The following VILL variants were observed in gnomAD, a reference collection of about 807,000 sequenced individuals.
VILL encodes the protein villin like.
In VILL, 102 loss-of-function variants were observed where a neutral mutation model predicts 106.3. The observed-to-expected ratio is 0.96, with a 90% CI of 0.82 to 1.13. The LOEUF is 1.13. Ranked by LOEUF, VILL falls within the 50% of genes most tolerant of loss-of-function variation. The probability of loss-of-function intolerance (pLI) is 0.00; values close to 1 mark genes in which losing one functional copy is unlikely to be tolerated. For missense variants in VILL, 1,076 were observed against 1,116.6 expected (o/e 0.96, Z 0.52); for synonymous variants, 431 against 440.3 (o/e 0.98, Z 0.27).
At position 38,006,709 on chromosome 3, in the gene VILL, C is replaced by T. The variant is rs761071827; in HGVS notation, c.2457+9C>T. The T allele has an allele frequency of 1.9e-6, 3 of 1,592,966 alleles. No individual in the cohort carries two copies. In the South Asian group the frequency reaches 3.4e-5, roughly 18 times the overall value. On this transcript the variant is annotated intron_variant, in intron 19 of 19. Transcript: ENST00000383759. The stretch of plus-strand genomic sequence containing the variant: ...ACCCTGCCCGCAGGGAGGTGGGCAC[C>T]CCCTCACTGCCCCAGCACTAGTGCA...
chr3:37,991,747 A>G (rs1699613527), intron 1 of VILL, among the ~76,000 whole-genome samples: 2 of 151,746 alleles, frequency 1.3e-5, no homozygotes, highest in South Asian at 4.2e-4. Context: ...GGTGAAAGGG[A>G]GTTCCCCAGA....
chr3:37,988,232 G>C (rs974401701), upstream of VILL: 2 of 152,314 alleles, frequency 1.3e-5, no homozygotes, highest in African/African-American at 4.8e-5. Context: ...CATATTGCCA[G>C]AACACAGTAA....
chr3:37,993,856 T>C (rs1388592387), intron 2 of VILL, 42 bp from the exon 3 acceptor site: 1 of 1,612,040 alleles, frequency 6.2e-7, no homozygotes, highest in Non-Finnish European at 8.5e-7. Flanking sequence ...GTGTCATGGG[T>C]AGAGGCCTCC....
Position 37,993,640 on chromosome 3 carries a change from C to T in VILL, c.-33C>T, listed in dbSNP as rs1304083639. ...AGCCTGAGAACTCTGGCTGTTGTTC[C>T]TTGTGTCGTCCCATATTCCTGCCTG... On this transcript the variant is annotated 5_prime_UTR_variant, in exon 2 of 20. Transcript: ENST00000383759. The T allele has an allele frequency of 4.3e-6, 7 of 1,610,414 alleles. No homozygotes were observed. Among genetic ancestry groups the T allele is most frequent in the Non-Finnish European group, 5.9e-6 (7 of 1,177,706 alleles).
chr3:37,990,132 C>T (rs1477713562), upstream of VILL, among the ~76,000 whole-genome samples: 1 of 152,168 alleles, frequency 6.6e-6, no homozygotes, highest in Non-Finnish European at 1.5e-5. This position sits in a 1 kb window ranked among gnomAD's most constrained non-coding sequence, Gnocchi z 5.1. Flanking sequence ...TGTTTGCAGC[C>T]CCTCCACCCC....
At chr3:38,002,071 TTGAA>T (rs1699828400) in intron 13 of VILL, 44 of 813,580 alleles carry the variant, frequency 5.4e-5, no homozygotes, top group Admixed American at 2.4e-4. Context: ...GGAATTTGAG[TTGAA>T]AGGGAGCCAG....
intron 16 of VILL, 27 bp downstream of exon 16, chr3:38,004,426 G>A (rs926531499): frequency 1.9e-6 from 3 of 1,595,206 alleles, no homozygotes; most frequent in East Asian, 2.3e-5. Context: ...TGCCTGGTGG[G>A]GCTGTGAACG....
At chr3:38,000,707 G>A (rs1377177258) in intron 11 of VILL, among the ~76,000 whole-genome samples, 3 of 152,218 alleles carry the variant, frequency 2.0e-5, no homozygotes, top group Non-Finnish European at 2.9e-5. Flanking sequence ...CTGTTAGGTG[G>A]CCTGTAGTCA....
In VILL at chr3:37,995,616, CCAGTGCATGTATGAAG is replaced by C. The variant is rs1575334375; in HGVS notation, c.342-119_342-104del. ...ATACATACATGTGTTCACACAGACT[CCAGTGCATGTATGAAG>C]CAGGCACATACGTGCACGTGCTCAC... On this transcript the variant is annotated intron_variant, in intron 4 of 19. Coordinates refer to ENST00000383759, the MANE Select transcript of VILL (RefSeq NM_015873.4). 6 of 734,690 alleles carry C rather than the reference CCAGTGCATGTATGAAG, an allele frequency of 8.2e-6. No individual in the cohort carries two copies. In the East Asian group the frequency reaches 1.6e-4, roughly 20 times the overall value. The allele number at this position is 734,690 out of a possible 1,614,324, so 45.5% of individuals were successfully genotyped here.
At chr3:37,994,103 C>T in intron 3 of VILL, 131 bp downstream of exon 3, 1 of 1,425,848 alleles carries the variant, frequency 7.0e-7, no homozygotes, top group Non-Finnish European at 9.8e-7. Context: ...CACAAGGGGG[C>T]GGTTACCGTT....
chr3:37,998,496 G>A lies in VILL; in HGVS notation c.942+132G>A. On this transcript the variant is annotated intron_variant, in intron 9 of 19. Coordinates refer to ENST00000383759, the MANE Select transcript of VILL (RefSeq NM_015873.4). The surrounding 1 kb of genome is among the most constrained non-coding windows in gnomAD (Gnocchi z 4.1). ...GTTTGAGTTGGGAAATCCTATGCTG[G>A]AGTCTTAAAGGGGAGGTAGCCCTGC... 1.2e-6 allele frequency: 1 copy of A among 818,090 alleles called. No individual in the cohort carries two copies. Among genetic ancestry groups the A allele is most frequent in the Non-Finnish European group, 1.9e-6 (1 of 521,732 alleles). 50.7% of individuals were successfully genotyped at this position (818,090 alleles called of 1,614,324 possible).
At chr3:37,992,641 T>G (rs1372479435) in intron 1 of VILL, among the ~76,000 whole-genome samples, 1 of 152,124 alleles carries the variant, frequency 6.6e-6, no homozygotes, top group East Asian at 1.9e-4. Flanking sequence ...TCCTATGGTT[T>G]CCATAGGGTG....
At chr3:38,004,151 C>T in intron 15 of VILL, 104 bp from the exon 16 acceptor site, 1 of 1,479,268 alleles carries the variant, frequency 6.8e-7, no homozygotes, top group Non-Finnish European at 9.1e-7. Flanking sequence ...CCCAGGGCTC[C>T]CACTCCTGAG....
At chr3:38,006,373 C>T (rs1234523556) in intron 18 of VILL, 76 bp from the exon 19 acceptor site, 24 of 1,593,108 alleles carry the variant, frequency 1.5e-5, no homozygotes, top group South Asian at 6.8e-5. Flanking sequence ...AGGTAAGAGG[C>T]CTGTGGGTTC....
chr3:37,997,305 G>A lies in VILL; in HGVS notation c.561+118G>A, dbSNP rs535138929. 2.8e-5 allele frequency: 34 copies of A among 1,223,370 alleles called. No homozygotes were observed. Among genetic ancestry groups the A allele is most frequent in the South Asian group, 2.0e-4 (15 of 74,600 alleles). The allele number at this position is 1,223,370 out of a possible 1,614,324, so 75.8% of individuals were successfully genotyped here. On this transcript the variant is annotated intron_variant, in intron 6 of 19. Transcript: ENST00000383759. This position sits in a 1 kb window ranked among gnomAD's most constrained non-coding sequence, Gnocchi z 4.7. ...TTGGCTCTGCTACAACCCAAGAAACGCCTATGAGTTACAAGCTGAGTTCAG... is the reference window on the plus strand; with the variant it reads ...TTGGCTCTGCTACAACCCAAGAAACACCTATGAGTTACAAGCTGAGTTCAG...
In VILL at chr3:38,003,125, G is replaced by T. The variant is rs202247244; in HGVS notation, c.1660-43G>T. On this transcript the variant is annotated intron_variant, in intron 14 of 19. Coordinates refer to ENST00000383759, the MANE Select transcript of VILL (RefSeq NM_015873.4). ...ACGGGACGTGGGGCCGGAGGTGAAGGCCCCTCCTCATGCAGGGCCTGAGCC... is the reference window on the plus strand; with the variant it reads ...ACGGGACGTGGGGCCGGAGGTGAAGTCCCCTCCTCATGCAGGGCCTGAGCC... 8.1e-5 allele frequency: 130 copies of T among 1,604,892 alleles called. No individual in the cohort carries two copies. In the African/African-American group the frequency reaches 1.4e-3, roughly 18 times the overall value.
At chr3:38,003,447 C>T in intron 15 of VILL, 134 bp downstream of exon 15, 1 of 1,192,848 alleles carries the variant, frequency 8.4e-7, no homozygotes, top group Non-Finnish European at 1.1e-6. Flanking sequence ...TTCCCACTCA[C>T]AGAGGCTCCC....
chr3:37,994,378 G>A lies in VILL; in HGVS notation c.253G>A (p.Asp85Asn). 6.2e-7 allele frequency: 1 copy of A among 1,612,372 alleles called. No individual in the cohort carries two copies. Among genetic ancestry groups the A allele is most frequent in the Non-Finnish European group, 8.5e-7 (1 of 1,179,762 alleles). The change falls in exon 4 of 20, where the codon GAC becomes AAC. Residue 85 changes from aspartate to asparagine, a missense_variant. Asp to Asn is a conservative substitution (Grantham distance 23, BLOSUM62 1). Coordinates refer to ENST00000383759, the MANE Select transcript of VILL (RefSeq NM_015873.4). The part of the protein sequence containing the change: ...AAEAFQQRLQ[D>N]ELGGQTVLHR... ...GGAGGCCTTCCAGCAGCGCCTACAG[G>A]ACGAGCTGGGGGGCCAGACCGTGCT...
intron 1 of VILL, chr3:37,993,371 G>T: frequency 2.5e-6 from 1 of 392,704 alleles, no homozygotes; most frequent in Non-Finnish European, 4.7e-6. Context: ...AGTGAAGTGT[G>T]TTCGAATCAT....
Sources: gnomAD v4.1 joint callset for allele counts (sites outside exome capture counted in the v4.1 genomes callset) on GRCh38, gnomAD v4.1.1 for gene constraint, Gnocchi (gnomAD v3.1) non-coding constraint, MANE v1.5 for transcripts, NCBI Gene and HGNC (gene_info 2026-07-23, HGNC 2026-07-21) for gene names.